MCC: variants seen among roughly 807,000 people sequenced by gnomAD.
MCC encodes colorectal mutant cancer protein.
Under a neutral mutation model 116.2 loss-of-function variants are expected in MCC, and 90 were observed. That is an observed-to-expected ratio of 0.77 (90% CI 0.65 to 0.92). The LOEUF (loss-of-function observed/expected upper bound fraction) is 0.92, where lower values mean the gene tolerates loss of function less well. Among genes scored for constraint, MCC ranks in the 40% least tolerant of loss-of-function variants. The probability of loss-of-function intolerance (pLI) is 0.00; values close to 1 mark genes in which losing one functional copy is unlikely to be tolerated. For synonymous variants in MCC, 578 were observed against 510.5 expected, an observed-to-expected ratio of 1.13 and a Z score of -1.78; for missense variants, 1,516 against 1,312.2, an observed-to-expected ratio of 1.16 and a Z score of -2.40.
chr5:113,420,438 A>C (rs1770296939), intron 1 of MCC, among the ~76,000 whole-genome samples: 1 of 152,168 alleles, frequency 6.6e-6, no homozygotes, highest in African/African-American at 2.4e-5. Flanking sequence ...CAACTTTATA[A>C]GGTTTTTTAG....
chr5:113,176,909 T>A (rs1761364644), intron 3 of MCC, among the ~76,000 whole-genome samples: 1 of 152,132 alleles, frequency 6.6e-6, no homozygotes, highest in South Asian at 2.1e-4. Flanking sequence ...GAACAGTGTC[T>A]TCACTGGTTC....
At chr5:113,084,424 T>C (rs1488722235) in intron 9 of MCC, among the ~76,000 whole-genome samples, 1 of 152,240 alleles carries the variant, frequency 6.6e-6, no homozygotes, top group Non-Finnish European at 1.5e-5. Flanking sequence ...TCCTGTGCAT[T>C]GTAGGACATT....
At chr5:113,180,605 T>A (rs1458151933) in intron 3 of MCC, among the ~76,000 whole-genome samples, 1 of 152,164 alleles carries the variant, frequency 6.6e-6, no homozygotes, top group Non-Finnish European at 1.5e-5. Flanking sequence ...CAAAAATGCT[T>A]ACTGACATGA....
chr5:113,168,708 T>C (rs1256399547), intron 3 of MCC, among the ~76,000 whole-genome samples: 1 of 152,138 alleles, frequency 6.6e-6, no homozygotes, highest in Non-Finnish European at 1.5e-5. Flanking sequence ...TTTTTTGCCA[T>C]GTCTGTTTTT....
At chr5:113,237,166 T>C (rs1324918373) in intron 3 of MCC, among the ~76,000 whole-genome samples, 1 of 152,218 alleles carries the variant, frequency 6.6e-6, no homozygotes, top group Admixed American at 6.5e-5. Context: ...CTAAGTATCT[T>C]GCTTCTCAGG....
chr5:113,385,736 C>T (rs965884347), intron 1 of MCC, among the ~76,000 whole-genome samples: 1 of 152,150 alleles, frequency 6.6e-6, no homozygotes, highest in African/African-American at 2.4e-5. Flanking sequence ...TTTCGTGGTT[C>T]AATGCTTAGC....
intron 3 of MCC, among the ~76,000 whole-genome samples, chr5:113,191,499 T>C (rs1762148813): frequency 6.6e-6 from 1 of 152,168 alleles, no homozygotes. Context: ...TGCTGGGCCA[T>C]GTTCCTTTAG....
intron 3 of MCC, among the ~76,000 whole-genome samples, chr5:113,241,004 C>T (rs1406384699): frequency 1.3e-5 from 2 of 152,218 alleles, no homozygotes; most frequent in African/African-American, 4.8e-5. Flanking sequence ...CAAGGAACAA[C>T]AGCCAGATCC....
At chr5:113,433,564 T>A in intron 1 of MCC, 1 of 841,144 alleles carries the variant, frequency 1.2e-6, no homozygotes, top group Non-Finnish European at 1.8e-6. Context: ...CTCATCCACC[T>A]AGGGGCCACG....
chr5:113,434,625 A>G lies in MCC; in HGVS notation c.171-49413T>C. ...CTCAAAGATCTCGTAGGTCTTAATGATGGAGCAGTGGTTTAACATGGCCAG... is the reference window on the plus strand; with the variant it reads ...CTCAAAGATCTCGTAGGTCTTAATGGTGGAGCAGTGGTTTAACATGGCCAG... On this transcript the variant is annotated intron_variant, in intron 1 of 18. Coordinates refer to ENST00000408903, the MANE Select transcript of MCC (RefSeq NM_001085377.2). This position sits in a 1 kb window ranked among gnomAD's most constrained non-coding sequence, Gnocchi z 4.2. 1 of 1,613,918 alleles carries G rather than the reference A, an allele frequency of 6.2e-7. No homozygotes were observed.
chr5:113,239,412 TCCTC>T (rs1213517345), intron 3 of MCC, among the ~76,000 whole-genome samples: 13 of 151,916 alleles, frequency 8.6e-5, no homozygotes, highest in Non-Finnish European at 1.9e-4. Context: ...CTCCAGGGGG[TCCTC>T]GCATGCAGCA....
rs931102865 is a variant in MCC, at chr5:113,023,766, T to C, written c.*3536A>G. 5.9e-5 allele frequency: 9 copies of C among 152,230 alleles called. No individual in the cohort carries two copies. The highest frequency in any genetic ancestry group is 2.2e-4 in the African/African-American group (9 of 41,454). 9.4% of individuals were successfully genotyped at this position (152,230 alleles called of 1,614,324 possible). A position where few individuals can be genotyped will look rare whatever the true frequency, so the allele number is the denominator to read the frequency against. On this transcript the variant is annotated 3_prime_UTR_variant, in exon 19 of 19. Transcript: ENST00000408903. ...TTTTAATAGTCATCTTGATATGTTA[T>C]CACTTTAAAGCTTGATAATCGAAAC...
chr5:113,232,422 C>T (rs12522683), intron 3 of MCC, among the ~76,000 whole-genome samples: 14,668 of 152,066 alleles, frequency 0.096, 1,160 homozygotes, highest in Admixed American at 0.25. Flanking sequence ...TAGCAACAGG[C>T]CATGTGAGTC....
intron 13 of MCC, among the ~76,000 whole-genome samples, chr5:113,066,707 G>A (rs1030601385): frequency 1.3e-4 from 19 of 151,866 alleles, no homozygotes; most frequent in African/African-American, 4.1e-4. Context: ...GAGGAGCGGG[G>A]AAGAAGGACA....
At chr5:113,432,349 G>GAAAAGA in intron 1 of MCC, among the ~76,000 whole-genome samples, 1 of 138,232 alleles carries the variant, frequency 7.2e-6, no homozygotes, top group African/African-American at 2.7e-5. Context: ...AAAAAGAAAA[G>GAAAAGA]AAAAAAAAAC....
At chr5:113,067,157 C>T (rs1200907505) in intron 13 of MCC, among the ~76,000 whole-genome samples, 1 of 152,152 alleles carries the variant, frequency 6.6e-6, no homozygotes, top group Non-Finnish European at 1.5e-5. Flanking sequence ...AATTGAGGGA[C>T]AGAAGTGAGC....
chr5:113,173,099 G>A (rs1033391943), intron 3 of MCC, among the ~76,000 whole-genome samples: 13 of 152,020 alleles, frequency 8.6e-5, no homozygotes, highest in Non-Finnish European at 1.3e-4. Flanking sequence ...TGAACTGTTC[G>A]TCTTTTAATT....
intron 6 of MCC, among the ~76,000 whole-genome samples, chr5:113,116,733 G>A (rs1757418762): frequency 1.3e-5 from 2 of 152,188 alleles, no homozygotes; most frequent in African/African-American, 4.8e-5. Flanking sequence ...GTTACTCTAA[G>A]GAAGATTCTG....
chr5:113,160,496 G>A (rs1760423377), intron 3 of MCC, among the ~76,000 whole-genome samples: 1 of 152,216 alleles, frequency 6.6e-6, no homozygotes, highest in Admixed American at 6.5e-5. Flanking sequence ...TAAAGAGGTA[G>A]GAATTGAGAC....
Sources: allele counts gnomAD v4.1 joint callset (sites outside exome capture counted in the v4.1 genomes callset), GRCh38; gene constraint gnomAD v4.1.1; non-coding constraint Gnocchi (gnomAD v3.1); transcripts MANE v1.5; gene names NCBI Gene and HGNC (gene_info 2026-07-23, HGNC 2026-07-21).